The following CEP72 variants were observed in gnomAD, a reference collection of about 807,000 sequenced individuals.
The protein encoded by CEP72 is centrosomal protein 72.
Under a neutral mutation model 65.7 loss-of-function variants are expected in CEP72, and 78 were observed. The observed-to-expected ratio is 1.19, with a 90% CI of 0.99 to 1.43. The LOEUF (loss-of-function observed/expected upper bound fraction) is 1.43, where lower values mean the gene tolerates loss of function less well. Ranked by LOEUF, CEP72 falls within the 40% of genes most tolerant of loss-of-function variation. The pLI, the probability that CEP72 is intolerant of heterozygous loss-of-function variation, is 0.00. For missense variants in CEP72, 914 were observed against 832.9 expected (o/e 1.10, Z -1.20); for synonymous variants, 358 against 351.7 (o/e 1.02, Z -0.20).
chr5:665,237 GGAGCCCGT>G, exon 3 of CEP72: 1 of 1,613,856 alleles, frequency 6.2e-7, no homozygotes, highest in East Asian at 2.2e-5. Flanking sequence ...GCTCCTTGTG[GGAGCCCGT>G]GAACTTGGTG....
intron 6 of CEP72, among the ~76,000 whole-genome samples, chr5:636,809 CA>C (rs76828125): frequency 0.039 from 2,120 of 54,480 alleles, 47 homozygotes; most frequent in African/African-American, 0.12. Context: ...GACTCCAACT[CA>C]AAAAAAAAAA....
chr5:646,987 G>A (rs750718683), intron 10 of CEP72, among the ~76,000 whole-genome samples: 1 of 152,230 alleles, frequency 6.6e-6, no homozygotes, highest in African/African-American at 2.4e-5. Flanking sequence ...CCAGCACGGG[G>A]ACTGGAAGGT....
In CEP72 at chr5:633,857, A is replaced by C; in HGVS notation, c.601A>C (p.Ile201Leu). 1 of 1,613,940 alleles carries C rather than the reference A, an allele frequency of 6.2e-7. No homozygotes were observed. Among genetic ancestry groups the C allele is most frequent in the Non-Finnish European group, 8.5e-7 (1 of 1,180,044 alleles). ...GGATGACGAGGCAGTCCTGAACCTCATTGCAGAGTGCGAGTGGGACCTCGG... is the reference window on the plus strand; with the variant it reads ...GGATGACGAGGCAGTCCTGAACCTCCTTGCAGAGTGCGAGTGGGACCTCGG... ...DADDEAVLNLIAECEWDLGRP... is the reference protein window; with the variant it reads ...DADDEAVLNLLAECEWDLGRP... Residue 201 changes from isoleucine (I) to leucine (L), a missense_variant, in exon 5 of 12, where the codon ATT becomes CTT. Ile to Leu is a conservative substitution (Grantham distance 5). Coordinates refer to ENST00000264935, the MANE Select transcript of CEP72 (RefSeq NM_018140.4).
At chr5:617,461 A>T (rs1579922505) in intron 1 of CEP72, among the ~76,000 whole-genome samples, 1 of 152,182 alleles carries the variant, frequency 6.6e-6, no homozygotes, top group East Asian at 1.9e-4. Context: ...TGAGGTCAGG[A>T]GTTCGAGACC....
chr5:640,540 A>G lies in CEP72; in HGVS notation c.1475A>G (p.Gln492Arg). The G allele has an allele frequency of 6.2e-7, 1 of 1,614,146 alleles. No homozygotes were observed. The highest frequency in any genetic ancestry group is 8.5e-7 in the Non-Finnish European group (1 of 1,180,034). Residue 492 changes from glutamine (Q) to arginine (R), a missense_variant, in exon 9 of 12, where the codon CAG (glutamine) becomes CGG (arginine). Physicochemically the swap from Gln to Arg is conservative, Grantham distance 43. Transcript: ENST00000264935. Reference sequence around the variant, plus strand: ...CTGCAAAGCCGCCTTGCTGAGCAGCAGCAGCAGCACGCCCGGGAGATGAGC... The same window carrying G: ...CTGCAAAGCCGCCTTGCTGAGCAGCGGCAGCAGCACGCCCGGGAGATGAGC... ...KSLQSRLAEQ[Q>R]QQHAREMSEV...
Position 644,324 on chromosome 5 carries a change from A to C in CEP72, c.1565A>C (p.Lys522Thr). 1 of 1,613,890 alleles carries C rather than the reference A, an allele frequency of 6.2e-7. No homozygotes were observed. Among genetic ancestry groups the C allele is most frequent in the African/African-American group, 1.3e-5 (1 of 75,054 alleles). ...ELDDLRQHLD[K>T]SLEENSRLKS... ...GATGATTTGAGACAACATTTAGATA[A>C]ATCTTTGGAAGAGAACAGTAGGTTA... Residue 522 changes from lysine to threonine, a missense_variant, in exon 10 of 12, where the codon AAA becomes ACA. Lys to Thr is a moderately conservative substitution (Grantham distance 78). Coordinates refer to ENST00000264935, the MANE Select transcript of CEP72 (RefSeq NM_018140.4).
intron 9 of CEP72, chr5:643,254 C>T: frequency 1.0e-6 from 1 of 985,448 alleles, no homozygotes; most frequent in Non-Finnish European, 1.2e-6. Context: ...GCCTTAAGAG[C>T]TCACCGCATC....
chr5:669,587 G>A (rs368545729), downstream of CEP72, among the ~76,000 whole-genome samples: 1 of 152,156 alleles, frequency 6.6e-6, no homozygotes, highest in South Asian at 2.1e-4. Flanking sequence ...CCAGCCTGGT[G>A]ACCAGTGCTG....
In CEP72 at chr5:642,922, C is replaced by A. The variant is rs1738154595; in HGVS notation, c.1540-1377C>A. The A allele has an allele frequency of 5.1e-6, 5 of 985,368 alleles. No homozygotes were observed. The South Asian group carries it at 1.9e-4, about 37-fold the overall frequency. The allele number at this position is 985,368 out of a possible 1,614,324, so 61.0% of individuals were successfully genotyped here. On this transcript the variant is annotated intron_variant, in intron 9 of 11. Transcript: ENST00000264935. ...TAGACCTTGCTTCCTTTGGAAGCTG[C>A]AGTCGGGTGTCCTGAGGCAAGGTGG...
chr5:637,948 G>A (rs1000975103), intron 7 of CEP72, 130 bp downstream of exon 7: 4 of 918,732 alleles, frequency 4.4e-6, no homozygotes, highest in Admixed American at 3.0e-5. Flanking sequence ...GGGCTGTTAC[G>A]GCGGTGCCGT....
chr5:618,233 T>G (rs1165967270), intron 1 of CEP72, among the ~76,000 whole-genome samples: 1 of 152,132 alleles, frequency 6.6e-6, no homozygotes, highest in Non-Finnish European at 1.5e-5. Flanking sequence ...ATTGTAGAGA[T>G]AAACATAAGC....
intron 9 of CEP72, chr5:643,195 A>G: frequency 1.0e-6 from 1 of 984,880 alleles, no homozygotes; most frequent in South Asian, 4.7e-5. Flanking sequence ...ACAGAGGGAG[A>G]CTTTGCCTCA....
intron 9 of CEP72, chr5:641,522 G>A (rs1193056101): frequency 1.0e-6 from 1 of 982,884 alleles, no homozygotes; most frequent in African/African-American, 1.8e-5. Flanking sequence ...CCTCTTTAGA[G>A]AAGAAAAACA....
downstream of CEP72, among the ~76,000 whole-genome samples, chr5:670,075 C>CT (rs1740156224): frequency 1.4e-5 from 2 of 138,062 alleles, no homozygotes; most frequent in Admixed American, 7.4e-5. Context: ...TTCCCAGGCT[C>CT]TGAGTCCCCT....
chr5:655,468 T>C (rs1200273167), downstream of CEP72: 1 of 152,228 alleles, frequency 6.6e-6, no homozygotes, highest in African/African-American at 2.4e-5. This position sits in a 1 kb window ranked among gnomAD's most constrained non-coding sequence, Gnocchi z 5.0. Context: ...TTACTAGAAA[T>C]TCCCAACTGT....
intron 4 of CEP72, among the ~76,000 whole-genome samples, chr5:627,715 T>C (rs1443385833): frequency 6.6e-6 from 1 of 152,252 alleles, no homozygotes; most frequent in East Asian, 1.9e-4. Context: ...TCAAATTTTT[T>C]CTCTTCTAAT....
intron 8 of CEP72, 116 bp downstream of exon 8, chr5:639,340 C>A (rs1709551): frequency 1.6e-6 from 2 of 1,222,490 alleles, no homozygotes; most frequent in Non-Finnish European, 2.3e-6. Flanking sequence ...ATGTCCCCTC[C>A]CACGAGCGTG....
chr5:624,143 C>T lies in CEP72; in HGVS notation c.404-328C>T, dbSNP rs946609022. Among the ~76,000 whole-genome samples, 1 of 152,220 alleles carries T rather than the reference C, an allele frequency of 6.6e-6. No homozygotes were observed. Among genetic ancestry groups the T allele is most frequent in the Non-Finnish European group, 1.5e-5 (1 of 68,042 alleles). On this transcript the variant is annotated intron_variant, in intron 3 of 11. Transcript: ENST00000264935. This position sits in a 1 kb window ranked among gnomAD's most constrained non-coding sequence, Gnocchi z 4.7. ...GCAGGCTCCCTCCGTGGAGGCTTCT[C>T]TGGGTTACCTGAGTGTGACTTGAGA...
At chr5:628,414 T>TTGC (rs1561036398) in intron 4 of CEP72, among the ~76,000 whole-genome samples, 2 of 151,174 alleles carry the variant, frequency 1.3e-5, no homozygotes, top group African/African-American at 4.9e-5. Context: ...AGAACTCAGG[T>TTGC]CACAGGCCCC....
Sources: gnomAD v4.1 joint callset for allele counts (sites outside exome capture counted in the v4.1 genomes callset) on GRCh38, gnomAD v4.1.1 for gene constraint, Gnocchi (gnomAD v3.1) non-coding constraint, MANE v1.5 for transcripts, NCBI Gene and HGNC (gene_info 2026-07-23, HGNC 2026-07-21) for gene names.